Variants in DOCK1 observed in about 807,000 individuals in gnomAD.
DOCK1 encodes the protein dedicator of cytokinesis 1.
A neutral mutation model predicts 262.7 loss-of-function variants in DOCK1; 138 were observed. That is an observed-to-expected ratio of 0.53 (90% CI 0.46 to 0.61). The LOEUF is 0.61. Ranked by LOEUF, DOCK1 falls within the 20% of genes least tolerant of loss-of-function variation. The pLI is 0.00. For synonymous variants in DOCK1, 866 were observed against 867.4 expected (o/e 1.00, Z 0.03); for missense variants, 1,908 against 2,370.7 (o/e 0.80, Z 4.05).
intron 6 of DOCK1, among the ~76,000 whole-genome samples, chr10:126,993,407 C>T (rs1347580981): frequency 6.6e-6 from 1 of 152,222 alleles, no homozygotes; most frequent in Non-Finnish European, 1.5e-5. Context: ...CTGACCCCTG[C>T]CCATACCAGT....
At chr10:127,342,359 A>T (rs967565928) in intron 30 of DOCK1, among the ~76,000 whole-genome samples, 11 of 152,096 alleles carry the variant, frequency 7.2e-5, no homozygotes, top group African/African-American at 2.7e-4. Flanking sequence ...AAAAAAAGAG[A>T]GCCCCATTGT....
chr10:127,068,291 A>T (rs1179145474), intron 23 of DOCK1, among the ~76,000 whole-genome samples: 2 of 152,178 alleles, frequency 1.3e-5, no homozygotes, highest in Non-Finnish European at 2.9e-5. Flanking sequence ...GGCTACTCAC[A>T]GATTTGTACA....
chr10:127,361,952 G>T, intron 32 of DOCK1, 112 bp from the exon 33 acceptor site: 1 of 1,237,540 alleles, frequency 8.1e-7, no homozygotes, highest in Non-Finnish European at 1.1e-6. Context: ...ACATTTTCGG[G>T]ATCCTGCTGC....
At chr10:126,953,639 G>A (rs2036511174) in intron 1 of DOCK1, among the ~76,000 whole-genome samples, 1 of 152,096 alleles carries the variant, frequency 6.6e-6, no homozygotes, top group Admixed American at 6.6e-5. Context: ...GAATGCCTTC[G>A]TGGCATAGGC....
At position 126,905,489 on chromosome 10, in the gene DOCK1, G is replaced by T. The variant is rs766387951; in HGVS notation, c.-29G>T. 1 of 530,096 alleles carries T rather than the reference G, an allele frequency of 1.9e-6. No individual in the cohort carries two copies. Among genetic ancestry groups the T allele is most frequent in the Non-Finnish European group, 3.5e-6 (1 of 286,914 alleles). The allele number at this position is 530,096 out of a possible 1,614,324, so 32.8% of individuals were successfully genotyped here. A position where few individuals can be genotyped will look rare whatever the true frequency, so the allele number is the denominator to read the frequency against. On this transcript the variant is annotated 5_prime_UTR_variant, in exon 1 of 52. Coordinates refer to ENST00000623213, the MANE Select transcript of DOCK1 (RefSeq NM_001290223.2). Reference sequence around the variant, plus strand: ...TGGCGGCCTAGACGCGGAGTTTCCTGCCCGACCCGCGGCGGCTCCGGCGGC... The same window carrying T: ...TGGCGGCCTAGACGCGGAGTTTCCTTCCCGACCCGCGGCGGCTCCGGCGGC...
At chr10:127,438,042 C>T (rs923465737) in intron 48 of DOCK1, among the ~76,000 whole-genome samples, 2 of 152,222 alleles carry the variant, frequency 1.3e-5, no homozygotes, top group East Asian at 1.9e-4. Context: ...CTGCCTTCCA[C>T]GTGAGTTATG....
chr10:127,218,578 T>C (rs2058306297), intron 27 of DOCK1, among the ~76,000 whole-genome samples: 1 of 152,214 alleles, frequency 6.6e-6, no homozygotes, highest in Admixed American at 6.5e-5. Flanking sequence ...TCTGACTGTT[T>C]GTGCTGAAAT....
At chr10:127,037,059 G>T in intron 18 of DOCK1, among the ~76,000 whole-genome samples, 1 of 150,656 alleles carries the variant, frequency 6.6e-6, no homozygotes, top group Admixed American at 6.6e-5. Flanking sequence ...CTTCCACATT[G>T]ACTCTTTAAA....
intron 29 of DOCK1, among the ~76,000 whole-genome samples, chr10:127,325,488 T>C (rs1173975715): frequency 1.3e-5 from 2 of 152,234 alleles, no homozygotes; most frequent in Non-Finnish European, 2.9e-5. Context: ...TAAGGAAATC[T>C]GCTCAGTGTT....
chr10:127,379,962 A>T, intron 35 of DOCK1, 120 bp from the exon 36 acceptor site: 1 of 706,018 alleles, frequency 1.4e-6, no homozygotes, highest in South Asian at 1.7e-5. Flanking sequence ...TTCTGATCCA[A>T]AGAGCTGGGT....
At chr10:127,228,141 A>C (rs1024489464) in intron 27 of DOCK1, among the ~76,000 whole-genome samples, 1 of 152,218 alleles carries the variant, frequency 6.6e-6, no homozygotes, top group Non-Finnish European at 1.5e-5. Context: ...TAGTTTGCAG[A>C]CAGTAAATAT....
chr10:126,962,798 T>C (rs2037330238), intron 1 of DOCK1, among the ~76,000 whole-genome samples: 1 of 152,260 alleles, frequency 6.6e-6, no homozygotes, highest in African/African-American at 2.4e-5. Context: ...CAGTAAATCA[T>C]TGCCAAATCC....
rs939925499 is a variant in DOCK1 at position 127,012,548 on chromosome 10, G to C, written c.1201+174G>C. Reference sequence around the variant, plus strand: ...TTGCCCCTGTGTACAGTGCATGATGGTTTTCTTGCCCGTCACCTTTGTGAA... The same window carrying C: ...TTGCCCCTGTGTACAGTGCATGATGCTTTTCTTGCCCGTCACCTTTGTGAA... On this transcript the variant is annotated intron_variant, in intron 12 of 51. Transcript: ENST00000623213. This position sits in a 1 kb window ranked among gnomAD's most constrained non-coding sequence, Gnocchi z 4.0. 6.6e-6 allele frequency among the ~76,000 whole-genome samples: 1 copy of C among 152,122 alleles called. No homozygotes were observed. The highest frequency in any genetic ancestry group is 1.5e-5 in the Non-Finnish European group (1 of 68,026).
At chr10:127,130,096 T>A (rs10082430) in intron 27 of DOCK1, among the ~76,000 whole-genome samples, 1 of 127,634 alleles carries the variant, frequency 7.8e-6, no homozygotes, top group African/African-American at 3.2e-5. Flanking sequence ...TTTTTTTTTT[T>A]CCCCTGAGAT....
chr10:127,306,567 G>T (rs759026502), intron 29 of DOCK1, among the ~76,000 whole-genome samples: 3 of 152,150 alleles, frequency 2.0e-5, no homozygotes, highest in Non-Finnish European at 4.4e-5. Context: ...CTCTCGGGTC[G>T]CTGGGAGATT....
chr10:127,398,383 C>T (rs1359316641), intron 38 of DOCK1, among the ~76,000 whole-genome samples: 2 of 152,158 alleles, frequency 1.3e-5, no homozygotes, highest in African/African-American at 4.8e-5. Flanking sequence ...CCAGGCCCAC[C>T]TCACCAGGGC....
rs116522482 is a variant in DOCK1 at position 127,323,326 on chromosome 10, G to C, written c.3045-15680G>C. On this transcript the variant is annotated intron_variant, in intron 29 of 51. Coordinates refer to ENST00000623213, the MANE Select transcript of DOCK1 (RefSeq NM_001290223.2). ...GGTGCTGGTGTGTGTCTTGCACCAT[G>C]CCTCCCTCCAGCCTCTCAGATATGT... 3.1e-3 allele frequency among the ~76,000 whole-genome samples: 477 copies of C among 152,274 alleles called. 1 individual carries two copies. Among genetic ancestry groups the C allele is most frequent in the Middle Eastern group, 0.01 (3 of 294 alleles).
intron 16 of DOCK1, among the ~76,000 whole-genome samples, chr10:127,030,794 A>G (rs141812126): frequency 1.3e-3 from 187 of 149,260 alleles, no homozygotes; most frequent in African/African-American, 4.1e-3. Flanking sequence ...ATCTATCTCT[A>G]TCTCTGTCTC....
chr10:127,136,602 A>G (rs1341772810), intron 27 of DOCK1: 1 of 152,680 alleles, frequency 6.5e-6, no homozygotes, highest in African/African-American at 2.4e-5. Context: ...GCAAAGGTGC[A>G]AAGAAATGAG....
Sources: gnomAD v4.1 joint callset for allele counts (sites outside exome capture counted in the v4.1 genomes callset) on GRCh38, gnomAD v4.1.1 for gene constraint, Gnocchi (gnomAD v3.1) non-coding constraint, MANE v1.5 for transcripts, NCBI Gene and HGNC (gene_info 2026-07-23, HGNC 2026-07-21) for gene names.